Variants in DLC1 observed in about 807,000 individuals in gnomAD.
DLC1 encodes the protein DLC1 Rho GTPase activating protein.
DLC1 carries 54 observed loss-of-function variants against 140.3 expected under a neutral mutation model. The observed-to-expected ratio is 0.38, with a 90% CI of 0.31 to 0.48. The LOEUF (loss-of-function observed/expected upper bound fraction) is 0.48, where lower values mean the gene tolerates loss of function less well. DLC1 is among the 20% of genes least tolerant of loss of function. DLC1 has a pLI of 0.96. For synonymous variants in DLC1, 986 were observed against 728.1 expected (o/e 1.35, Z -5.70); for missense variants, 2,536 against 1,907.0 (o/e 1.33, Z -6.14).
chr8:13,452,012 A>AT (rs1322848804), intron 2 of DLC1, among the ~76,000 whole-genome samples: 2 of 151,918 alleles, frequency 1.3e-5, no homozygotes, highest in African/African-American at 2.4e-5. Context: ...TCTATTGGCT[A>AT]TTTTTTTAAA....
chr8:13,244,473 T>C (rs1448688476), intron 5 of DLC1, among the ~76,000 whole-genome samples: 1 of 151,944 alleles, frequency 6.6e-6, no homozygotes, highest in Admixed American at 6.6e-5. Flanking sequence ...ACCTTTTTAA[T>C]TGTTTTATAG....
At chr8:13,100,904 G>GTTTTT (rs371679768) in intron 8 of DLC1, 134 bp from the exon 9 acceptor site, 65 of 591,216 alleles carry the variant, frequency 1.1e-4, no homozygotes, top group Middle Eastern at 4.9e-4. Flanking sequence ...TAATTTTAAA[G>GTTTTT]TTTTTTTTTT....
At chr8:13,556,435 G>A (rs1804047990) in intron 1 of DLC1, among the ~76,000 whole-genome samples, 1 of 152,146 alleles carries the variant, frequency 6.6e-6, no homozygotes, top group Non-Finnish European at 1.5e-5. Flanking sequence ...TGGCCACTGG[G>A]GTTTTGACAA....
At chr8:13,593,232 GA>G (rs1178499500) in intron 1 of DLC1, among the ~76,000 whole-genome samples, 31 of 152,198 alleles carry the variant, frequency 2.0e-4, no homozygotes, top group African/African-American at 7.5e-4. Flanking sequence ...CAAATGCATG[GA>G]TCCTTTGGTT....
chr8:13,438,233 A>G (rs576999478), intron 2 of DLC1, among the ~76,000 whole-genome samples: 40 of 152,298 alleles, frequency 2.6e-4, no homozygotes, highest in African/African-American at 9.6e-4. Context: ...TAGCACGGGT[A>G]TATTTAAAAA....
chr8:13,132,928 C>T (rs759617170), intron 5 of DLC1: 1 of 1,599,710 alleles, frequency 6.3e-7, no homozygotes, highest in Non-Finnish European at 8.5e-7. Flanking sequence ...GACGGCAAGA[C>T]GCAAGTCTAG....
chr8:13,137,558 T>G (rs1050483302), intron 5 of DLC1, among the ~76,000 whole-genome samples: 1 of 151,738 alleles, frequency 6.6e-6, no homozygotes, highest in African/African-American at 2.4e-5. Context: ...CTGCCTGTCA[T>G]GCTCTTTTGC....
intron 2 of DLC1, among the ~76,000 whole-genome samples, chr8:13,433,781 A>G (rs566015195): frequency 4.6e-5 from 7 of 152,194 alleles, no homozygotes; most frequent in Non-Finnish European, 7.3e-5. Flanking sequence ...TTTTCCAAAT[A>G]CACTGTGTTC....
At chr8:13,128,163 G>T (rs538941487) in intron 5 of DLC1, among the ~76,000 whole-genome samples, 2 of 152,156 alleles carry the variant, frequency 1.3e-5, no homozygotes, top group African/African-American at 4.8e-5. Flanking sequence ...TCACTTTTTG[G>T]TGCTCAAAAC....
chr8:13,575,029 T>G (rs878900898), intron 1 of DLC1, among the ~76,000 whole-genome samples: 5 of 152,162 alleles, frequency 3.3e-5, no homozygotes, highest in Admixed American at 2.6e-4. Flanking sequence ...AATAGTCAAT[T>G]TGAGAAACAC....
chr8:13,139,358 C>T (rs1822807984), intron 5 of DLC1, among the ~76,000 whole-genome samples: 1 of 148,302 alleles, frequency 6.7e-6, no homozygotes, highest in Non-Finnish European at 1.5e-5. Flanking sequence ...TTCTGTTGTG[C>T]CTGGGAAAAT....
At chr8:13,180,397 A>G (rs1454758705) in intron 5 of DLC1, among the ~76,000 whole-genome samples, 2 of 152,216 alleles carry the variant, frequency 1.3e-5, no homozygotes, top group Non-Finnish European at 2.9e-5. Context: ...AAGAAACATT[A>G]GTTAGATTGT....
At chr8:13,241,609 C>A (rs570610514) in intron 5 of DLC1, among the ~76,000 whole-genome samples, 3 of 152,212 alleles carry the variant, frequency 2.0e-5, no homozygotes, top group South Asian at 2.1e-4. Flanking sequence ...TTCTCTGCAC[C>A]CTGCATCCAA....
chr8:13,431,282 G>C (rs930283519), intron 2 of DLC1, among the ~76,000 whole-genome samples: 3 of 151,982 alleles, frequency 2.0e-5, no homozygotes, highest in African/African-American at 7.2e-5. Context: ...AGGAGATCGA[G>C]ACCATCTTGG....
At chr8:13,353,386 C>T (rs560000958) in intron 4 of DLC1, 4 of 152,122 alleles carry the variant, frequency 2.6e-5, no homozygotes, top group African/African-American at 9.7e-5. Flanking sequence ...GTTCTTAAAA[C>T]AACAACAGGC....
At chr8:13,452,637 C>G (rs923239999) in intron 2 of DLC1, among the ~76,000 whole-genome samples, 2 of 152,058 alleles carry the variant, frequency 1.3e-5, no homozygotes, top group Non-Finnish European at 2.9e-5. Context: ...CTCAGATGGT[C>G]TTAGAATTAA....
chr8:13,453,387 G>GATATATATATATATATGTGTATATATAT lies in DLC1; in HGVS notation c.1023+45661_1023+45662insATATATATACACATATATATATATATAT, dbSNP rs375440831. Among the ~76,000 whole-genome samples, 21 of 52,448 alleles carry GATATATATATATATATGTGTATATATAT rather than the reference G, an allele frequency of 4.0e-4. 2 individuals are homozygous for GATATATATATATATATGTGTATATATAT. The Admixed American group carries it at 5.7e-3, about 14-fold the overall frequency. The allele number at this position is 52,448 out of a possible 152,430, so 34.4% of individuals were successfully genotyped here. A position where few individuals can be genotyped will look rare whatever the true frequency, so the allele number is the denominator to read the frequency against. On this transcript the variant is annotated intron_variant, in intron 2 of 17. Coordinates refer to ENST00000276297, the MANE Select transcript of DLC1 (RefSeq NM_182643.3). ...TTACTAAAAGAATAAGATGGCCCAG[G>GATATATATATATATATGTGTATATATAT]ATATATATATATATGTGTATATATA...
intron 4 of DLC1, among the ~76,000 whole-genome samples, chr8:13,383,711 C>T (rs916745070): frequency 7.9e-5 from 12 of 152,172 alleles, no homozygotes; most frequent in East Asian, 3.9e-4. Flanking sequence ...CTTTCACTTG[C>T]ATCGGTGGAA....
At chr8:13,512,548 CAT>C (rs1307521023) in intron 1 of DLC1, among the ~76,000 whole-genome samples, 2 of 152,076 alleles carry the variant, frequency 1.3e-5, no homozygotes, top group South Asian at 2.1e-4. Flanking sequence ...GAAATGTAAA[CAT>C]ATTTTTTATA....
Sources: allele counts gnomAD v4.1 joint callset (sites outside exome capture counted in the v4.1 genomes callset), GRCh38; gene constraint gnomAD v4.1.1; transcripts MANE v1.5; gene names NCBI Gene and HGNC (gene_info 2026-07-23, HGNC 2026-07-21).